The following UBE2U variants were observed in gnomAD, a reference collection of about 807,000 sequenced individuals.
The protein encoded by UBE2U is ubiquitin-conjugating enzyme E2 U.
A neutral mutation model predicts 41.2 loss-of-function variants in UBE2U; 39 were observed. The ratio of observed to expected loss-of-function variants is 0.95; its 90% CI spans 0.73 to 1.24. The LOEUF (loss-of-function observed/expected upper bound fraction) is 1.24, where lower values mean the gene tolerates loss of function less well. Among genes scored for constraint, UBE2U ranks in the 50% most tolerant of loss-of-function variants. The probability of loss-of-function intolerance (pLI) is 0.00; values close to 1 mark genes in which losing one functional copy is unlikely to be tolerated. For synonymous variants in UBE2U, 107 were observed against 117.8 expected (o/e 0.91, Z 0.60); for missense variants, 336 against 363.1 (o/e 0.93, Z 0.61).
At chr1:64,245,059 CT>C (rs1298795162) in intron 8 of UBE2U, among the ~76,000 whole-genome samples, 9 of 152,144 alleles carry the variant, frequency 5.9e-5, no homozygotes, top group Admixed American at 3.9e-4. Flanking sequence ...ATGTAAATGG[CT>C]TTCATGAATA....
At chr1:64,224,882 A>G (rs1391553113) in intron 6 of UBE2U, among the ~76,000 whole-genome samples, 1 of 152,046 alleles carries the variant, frequency 6.6e-6, no homozygotes, top group Non-Finnish European at 1.5e-5. Flanking sequence ...GTGTTTTGCC[A>G]CAATAAAAAA....
intron 8 of UBE2U, among the ~76,000 whole-genome samples, chr1:64,259,964 A>G (rs1331087642): frequency 6.6e-6 from 1 of 151,804 alleles, no homozygotes; most frequent in African/African-American, 2.4e-5. Context: ...TAATTAGTTA[A>G]GATGAGGCTA....
chr1:64,260,362 T>A lies in UBE2U; in HGVS notation c.678-241T>A, dbSNP rs114712320. On this transcript the variant is annotated intron_variant, in intron 8 of 9. Coordinates refer to ENST00000371077, the MANE Select transcript of UBE2U (RefSeq NM_001366232.2). ...ACTTTTACTATGATGTTTTTTACTA[T>A]GACATAAGTAGTAAACATGTCATAT... 8.7e-3 allele frequency among the ~76,000 whole-genome samples: 1,332 copies of A among 152,332 alleles called. 14 individuals are homozygous for A. The highest frequency in any genetic ancestry group is 0.03 in the African/African-American group (1,260 of 41,568).
At chr1:64,221,619 T>C (rs1652472711) in intron 6 of UBE2U, among the ~76,000 whole-genome samples, 2 of 152,178 alleles carry the variant, frequency 1.3e-5, no homozygotes, top group South Asian at 2.1e-4. Flanking sequence ...CTGAACAAGG[T>C]ATAGGCCTAG....
intron 9 of UBE2U, 157 bp from the exon 10 acceptor site, chr1:64,266,867 T>A: frequency 1.5e-6 from 1 of 649,998 alleles, no homozygotes; most frequent in Non-Finnish European, 2.6e-6. Context: ...CAAATAAAGT[T>A]ACTTACAAAA....
chr1:64,216,381 G>A (rs985864167), intron 5 of UBE2U, among the ~76,000 whole-genome samples: 3 of 152,196 alleles, frequency 2.0e-5, no homozygotes, highest in African/African-American at 7.2e-5. Context: ...TCTAAAGGCT[G>A]AAGAAACTGT....
At chr1:64,221,877 A>G (rs922224115) in intron 6 of UBE2U, among the ~76,000 whole-genome samples, 6 of 152,090 alleles carry the variant, frequency 3.9e-5, no homozygotes, top group Non-Finnish European at 7.4e-5. Context: ...AGGAGGTCAG[A>G]AGATCGAGAC....
At chr1:64,214,988 T>G (rs781643976) in intron 5 of UBE2U, 56 bp downstream of exon 5, 5 of 1,408,192 alleles carry the variant, frequency 3.6e-6, no homozygotes, top group Non-Finnish European at 5.0e-6. Flanking sequence ...ATCCCAACAC[T>G]TTGGGAGGCT....
chr1:64,215,295 A>G (rs894312953), intron 5 of UBE2U, among the ~76,000 whole-genome samples: 1 of 152,226 alleles, frequency 6.6e-6, no homozygotes, highest in Non-Finnish European at 1.5e-5. Flanking sequence ...TTAAACATTT[A>G]TAGCATAGTG....
intron 7 of UBE2U, among the ~76,000 whole-genome samples, chr1:64,234,594 C>T (rs1286245099): frequency 2.6e-5 from 4 of 152,132 alleles, no homozygotes; most frequent in African/African-American, 9.7e-5. Flanking sequence ...ATCACATGTT[C>T]TTTCAGGAGG....
intron 6 of UBE2U, among the ~76,000 whole-genome samples, chr1:64,225,949 C>G (rs534120745): frequency 6.6e-6 from 1 of 152,180 alleles, no homozygotes; most frequent in Non-Finnish European, 1.5e-5. Context: ...CAGTTTGAAA[C>G]AGTTTAAGTT....
At chr1:64,207,958 G>T (rs1235889020) in intron 3 of UBE2U, among the ~76,000 whole-genome samples, 1 of 151,776 alleles carries the variant, frequency 6.6e-6, no homozygotes, top group African/African-American at 2.4e-5. Flanking sequence ...AATATAAAAA[G>T]AACATAAAGC....
At chr1:64,249,952 C>T (rs1487999641) in intron 8 of UBE2U, among the ~76,000 whole-genome samples, 1 of 151,914 alleles carries the variant, frequency 6.6e-6, no homozygotes, top group Non-Finnish European at 1.5e-5. Flanking sequence ...AGAAGCCATA[C>T]CAAAGCACAT....
At chr1:64,252,162 G>A (rs560230265) in intron 8 of UBE2U, among the ~76,000 whole-genome samples, 30 of 152,250 alleles carry the variant, frequency 2.0e-4, no homozygotes, top group African/African-American at 4.3e-4. Flanking sequence ...TTCTTTAAGC[G>A]AGATCCCAGT....
At chr1:64,239,130 A>AAGGAGAAGGAGAAGG (rs1557730284) in intron 7 of UBE2U, among the ~76,000 whole-genome samples, 6 of 23,176 alleles carry the variant, frequency 2.6e-4, no homozygotes, top group African/African-American at 1.0e-3. Context: ...GAAGAAGAAG[A>AAGGAGAAGGAGAAGG]AGAAGAAGAA....
At chr1:64,213,667 AAATG>A (rs1369328692) in intron 4 of UBE2U, among the ~76,000 whole-genome samples, 2 of 152,340 alleles carry the variant, frequency 1.3e-5, no homozygotes, top group Middle Eastern at 3.4e-3. Context: ...ATATTAAATA[AAATG>A]AATGAATGAA....
rs541296512 is a variant in UBE2U at position 64,239,045 on chromosome 1, A to G, written c.596-2607A>G. Among the ~76,000 whole-genome samples the G allele has an allele frequency of 6.5e-4, 76 of 116,230 alleles. 2 individuals are homozygous for G. Among genetic ancestry groups the G allele is most frequent in the South Asian group, 4.5e-3 (16 of 3,524 alleles). The allele number at this position is 116,230 out of a possible 152,430, so 76.3% of individuals were successfully genotyped here. On this transcript the variant is annotated intron_variant, in intron 7 of 9. Transcript: ENST00000371077. Reference sequence around the variant, plus strand: ...TGACAAAGTGAGACCCCCATCTCAAAAAGAAGAAGAAGAAGAAGAAGAGGA... The same window carrying G: ...TGACAAAGTGAGACCCCCATCTCAAGAAGAAGAAGAAGAAGAAGAAGAGGA...
At chr1:64,263,398 A>T (rs1645208693) in intron 9 of UBE2U, among the ~76,000 whole-genome samples, 1 of 152,242 alleles carries the variant, frequency 6.6e-6, no homozygotes, top group African/African-American at 2.4e-5. Context: ...TTCTGCCATC[A>T]TCACCAGAGC....
At chr1:64,266,937 T>G in intron 9 of UBE2U, 87 bp from the exon 10 acceptor site, 7 of 1,241,694 alleles carry the variant, frequency 5.6e-6, no homozygotes, top group Non-Finnish European at 7.8e-6. Flanking sequence ...TCTTTGGCAT[T>G]ATCCTACAAA....
Sources: gnomAD v4.1 joint callset for allele counts (sites outside exome capture counted in the v4.1 genomes callset) on GRCh38, gnomAD v4.1.1 for gene constraint, MANE v1.5 for transcripts, NCBI Gene and HGNC (gene_info 2026-07-23, HGNC 2026-07-21) for gene names.